The following ERCC8 variants were observed in gnomAD, a reference collection of about 807,000 sequenced individuals.
The protein encoded by ERCC8 is ERCC excision repair 8, CSA ubiquitin ligase complex subunit, also known as DNA excision repair protein ERCC-8.
In ERCC8, 52 loss-of-function variants were observed where a neutral mutation model predicts 54.9. That is an observed-to-expected ratio of 0.95 (90% CI 0.76 to 1.19). The LOEUF (loss-of-function observed/expected upper bound fraction) is 1.19. Among genes scored for constraint, ERCC8 ranks in the 50% most tolerant of loss-of-function variants. ERCC8 has a pLI of 0.00. For missense variants in ERCC8, 514 were observed against 466.1 expected (o/e 1.10, Z -0.95); for synonymous variants, 146 against 157.2 (o/e 0.93, Z 0.53).
intron 3 of ERCC8, 27 bp from the exon 4 acceptor site, chr5:60,918,415 T>A (rs747764419): frequency 1.3e-6 from 2 of 1,599,310 alleles, no homozygotes; most frequent in Non-Finnish European, 1.7e-6. Context: ...AAAATTTACA[T>A]TAACTGACTT....
intron 9 of ERCC8, chr5:60,893,538 CTT>C (rs1748631114): frequency 2.8e-6 from 2 of 720,560 alleles, no homozygotes; most frequent in Non-Finnish European, 5.1e-6. Context: ...CCCTTGGAAA[CTT>C]TACCTGGCTT....
rs1749435250 is a variant in ERCC8 at position 60,916,374 on chromosome 5, A to G, written c.399+1891T>C. Among the ~76,000 whole-genome samples the G allele has an allele frequency of 3.3e-5, 5 of 152,148 alleles. No homozygotes were observed. The South Asian group carries it at 1.0e-3, about 32-fold the overall frequency. ...ATGACAAATGTCCAAAGAGAAAAAGAGTGTGTGGAAAGTTGAATGCATTTC... is the reference window on the plus strand; with the variant it reads ...ATGACAAATGTCCAAAGAGAAAAAGGGTGTGTGGAAAGTTGAATGCATTTC... On this transcript the variant is annotated intron_variant, in intron 4 of 11. Transcript: ENST00000676185.
At chr5:60,901,804 C>A (rs988813636) in intron 7 of ERCC8, among the ~76,000 whole-genome samples, 7 of 152,026 alleles carry the variant, frequency 4.6e-5, no homozygotes, top group African/African-American at 1.4e-4. Context: ...CTTTCCCCAG[C>A]AGATAAATAT....
At chr5:60,904,632 G>GTATA (rs775272984) in intron 5 of ERCC8, among the ~76,000 whole-genome samples, 160 bp downstream of exon 5, 15 of 35,852 alleles carry the variant, frequency 4.2e-4, no homozygotes, top group East Asian at 2.6e-3. Context: ...GTGTGTGTGT[G>GTATA]TGTATATATA....
At chr5:60,940,380 C>T (rs919897908) in intron 1 of ERCC8, among the ~76,000 whole-genome samples, 2 of 152,302 alleles carry the variant, frequency 1.3e-5, no homozygotes, top group African/African-American at 2.4e-5. Flanking sequence ...AGGGTAGGGA[C>T]AATCCCTGTT....
intron 7 of ERCC8, 45 bp downstream of exon 7, chr5:60,902,397 T>A (rs777163867): frequency 3.0e-5 from 42 of 1,378,140 alleles, no homozygotes; most frequent in Non-Finnish European, 4.3e-5. Flanking sequence ...TTCAAAATGC[T>A]TATTATTAAT....
At chr5:60,929,088 G>C in intron 1 of ERCC8, 129 bp from the exon 2 acceptor site, 1 of 613,390 alleles carries the variant, frequency 1.6e-6, no homozygotes, top group Non-Finnish European at 2.9e-6. Context: ...ACATCCTAAC[G>C]TATTTATAGA....
intron 11 of ERCC8, among the ~76,000 whole-genome samples, chr5:60,875,583 T>A (rs1052702630): frequency 3.3e-5 from 5 of 152,250 alleles, no homozygotes; most frequent in African/African-American, 1.2e-4. Flanking sequence ...TTGCTTCTTT[T>A]TGTGCAACTT....
chr5:60,875,773 T>G (rs1747980443), intron 11 of ERCC8, among the ~76,000 whole-genome samples: 1 of 152,198 alleles, frequency 6.6e-6, no homozygotes, highest in Admixed American at 6.5e-5. Context: ...CTCCGCTCAC[T>G]GCAAGCTCCG....
At chr5:60,893,284 C>A in intron 9 of ERCC8, 1 of 1,008,024 alleles carries the variant, frequency 9.9e-7, no homozygotes, top group Non-Finnish European at 1.6e-6. Context: ...TTAATTCCTG[C>A]AAAACTTCTT....
At chr5:60,923,961 T>C (rs564931829) in intron 2 of ERCC8, among the ~76,000 whole-genome samples, 3 of 152,130 alleles carry the variant, frequency 2.0e-5, no homozygotes, top group Non-Finnish European at 4.4e-5. Flanking sequence ...TCATAGTTCA[T>C]CACCTTAGAG....
Position 60,874,477 on chromosome 5 carries a change from C to T in ERCC8, c.*138G>A. 1.4e-6 allele frequency: 1 copy of T among 729,280 alleles called. No individual in the cohort carries two copies. Among genetic ancestry groups the T allele is most frequent in the Non-Finnish European group, 2.3e-6 (1 of 429,496 alleles). 45.2% of individuals were successfully genotyped at this position (729,280 alleles called of 1,614,324 possible). Reference sequence around the variant, plus strand: ...TTTTAGGATTTTATGCAAATATTAACCTCATTTTAAAACATGAGGAAAAAT... The same window carrying T: ...TTTTAGGATTTTATGCAAATATTAATCTCATTTTAAAACATGAGGAAAAAT... On this transcript the variant is annotated 3_prime_UTR_variant, in exon 12 of 12. Transcript: ENST00000676185.
At chr5:60,890,792 A>G (rs1230081209) in intron 10 of ERCC8, 97 bp downstream of exon 10, 8 of 902,084 alleles carry the variant, frequency 8.9e-6, no homozygotes, top group African/African-American at 1.7e-5. Context: ...GATTAAAAGC[A>G]TAACTCCTCA....
Position 60,870,969 on chromosome 5 carries a change from A to AG in ERCC8, c.*3645dup, listed in dbSNP as rs528341772. On this transcript the variant is annotated 3_prime_UTR_variant, in exon 12 of 12. Transcript: ENST00000676185. ...GCTGTAACGAATGAATTCCCTACAA[A>AG]GGGAAAAAAAACCAAAGTGGCTTTG... is the stretch of plus-strand genomic sequence containing the variant. Among the ~76,000 whole-genome samples, 1 of 152,306 alleles carries AG rather than the reference A, an allele frequency of 6.6e-6. No homozygotes were observed. Among genetic ancestry groups the AG allele is most frequent in the East Asian group, 1.9e-4 (1 of 5,186 alleles).
chr5:60,879,303 T>G (rs1748125215), intron 11 of ERCC8, among the ~76,000 whole-genome samples: 1 of 152,206 alleles, frequency 6.6e-6, no homozygotes, highest in African/African-American at 2.4e-5. Flanking sequence ...GTGGTCAATT[T>G]TGGAATAGGT....
At chr5:60,938,326 C>T (rs1244216960) in intron 1 of ERCC8, among the ~76,000 whole-genome samples, 1 of 148,900 alleles carries the variant, frequency 6.7e-6, no homozygotes, top group Non-Finnish European at 1.5e-5. Flanking sequence ...AAGAATGTGG[C>T]CTGTAAGATA....
At chr5:60,908,587 T>A (rs575928066) in intron 4 of ERCC8, among the ~76,000 whole-genome samples, 43 of 144,978 alleles carry the variant, frequency 3.0e-4, no homozygotes, top group African/African-American at 5.1e-4. Context: ...ATATATATTT[T>A]TTTTTTAAAT....
At position 60,938,064 on chromosome 5, in the gene ERCC8, TATATATATATATATATATATATTTTA is replaced by T. The variant is rs1417366450; in HGVS notation, c.77+6842_77+6867del. 3.6e-3 allele frequency among the ~76,000 whole-genome samples: 103 copies of T among 28,534 alleles called. 3 individuals carry two copies. The East Asian group carries it at 0.14, about 39-fold the overall frequency. 18.7% of individuals were successfully genotyped at this position (28,534 alleles called of 152,430 possible). On this transcript the variant is annotated intron_variant, in intron 1 of 11. Coordinates refer to ENST00000676185, the MANE Select transcript of ERCC8 (RefSeq NM_000082.4). ...ACATACATACATATATATATATATA[TATATATATATATATATATATATTTTA>T]TTTTTTTTTTTTTTAGGTTACGAAG...
In ERCC8 at chr5:60,873,564, C is replaced by T. The variant is rs763648993; in HGVS notation, c.*1051G>A. Reference sequence around the variant, plus strand: ...CAGTGGCGGGAGCCTGTAATCCCAGCTACTCAGGAGGCTTAGGCAGGAGAA... The same window carrying T: ...CAGTGGCGGGAGCCTGTAATCCCAGTTACTCAGGAGGCTTAGGCAGGAGAA... On this transcript the variant is annotated 3_prime_UTR_variant, in exon 12 of 12. Coordinates refer to ENST00000676185, the MANE Select transcript of ERCC8 (RefSeq NM_000082.4). Among the ~76,000 whole-genome samples the T allele has an allele frequency of 6.6e-6, 1 of 152,114 alleles. No individual in the cohort carries two copies. Among genetic ancestry groups the T allele is most frequent in the Non-Finnish European group, 1.5e-5 (1 of 68,014 alleles).
Sources: gnomAD v4.1 joint callset for allele counts (sites outside exome capture counted in the v4.1 genomes callset) on GRCh38, gnomAD v4.1.1 for gene constraint, MANE v1.5 for transcripts, NCBI Gene and HGNC (gene_info 2026-07-23, HGNC 2026-07-21) for gene names.